VAV3: variants seen among roughly 807,000 people sequenced by gnomAD.
VAV3 encodes guanine nucleotide exchange factor VAV3.
A neutral mutation model predicts 131.2 loss-of-function variants in VAV3; 94 were observed. That is an observed-to-expected ratio of 0.72 (90% CI 0.61 to 0.85). The LOEUF is 0.85. Ranked by LOEUF, VAV3 falls within the 40% of genes least tolerant of loss-of-function variation. VAV3 has a pLI of 0.00. For synonymous variants in VAV3, 349 were observed against 342.0 expected, an observed-to-expected ratio of 1.02 and a Z score of -0.22; for missense variants, 939 against 1,002.7, an observed-to-expected ratio of 0.94 and a Z score of 0.86.
Position 107,724,825 on chromosome 1 carries a change from T to C in VAV3, c.1503-19764A>G, listed in dbSNP as rs544880607. ...AATTCAGTCTGGTTGCAACACTGGA[T>C]GTGGTGGGGGGAAAAAAAAAAGGCT... On this transcript the variant is annotated intron_variant, in intron 15 of 26. Coordinates refer to ENST00000370056, the MANE Select transcript of VAV3 (RefSeq NM_006113.5). Among the ~76,000 whole-genome samples, 197 of 150,356 alleles carry C rather than the reference T, an allele frequency of 1.3e-3. 1 individual carries two copies. The highest frequency in any genetic ancestry group is 4.8e-3 in the African/African-American group (194 of 40,786).
intron 2 of VAV3, chr1:107,785,468 GCT>G: frequency 7.5e-7 from 1 of 1,326,986 alleles, no homozygotes; most frequent in Non-Finnish European, 9.9e-7. Context: ...AGGGAGGTGG[GCT>G]CTGCAAGGGC....
At chr1:107,681,624 T>C (rs1236519736) in intron 19 of VAV3, among the ~76,000 whole-genome samples, 1 of 151,772 alleles carries the variant, frequency 6.6e-6, no homozygotes, top group Non-Finnish European at 1.5e-5. Context: ...AAAAATACAC[T>C]CATATACATT....
At chr1:107,933,915 A>T (rs1673585391) in intron 1 of VAV3, among the ~76,000 whole-genome samples, 1 of 152,038 alleles carries the variant, frequency 6.6e-6, no homozygotes, top group Non-Finnish European at 1.5e-5. Context: ...TCATAAGAGG[A>T]GTACAGAAGT....
chr1:107,798,907 G>C (rs1666694106), intron 2 of VAV3, among the ~76,000 whole-genome samples: 1 of 151,866 alleles, frequency 6.6e-6, no homozygotes, highest in African/African-American at 2.4e-5. Context: ...TTAATGCAAA[G>C]ATGCTTTTAG....
At chr1:107,578,254 T>A (rs1649790459) in intron 25 of VAV3, among the ~76,000 whole-genome samples, 1 of 152,244 alleles carries the variant, frequency 6.6e-6, no homozygotes, top group Non-Finnish European at 1.5e-5. Context: ...TACCATGAAG[T>A]ATACTCTTGT....
At chr1:107,691,083 T>G (rs1457214877) in intron 17 of VAV3, among the ~76,000 whole-genome samples, 1 of 152,174 alleles carries the variant, frequency 6.6e-6, no homozygotes, top group Non-Finnish European at 1.5e-5. Context: ...ATTTATGCTT[T>G]TGTGCTTGTG....
intron 1 of VAV3, among the ~76,000 whole-genome samples, chr1:107,883,448 T>C (rs556243062): frequency 6.6e-6 from 1 of 152,306 alleles, no homozygotes; most frequent in South Asian, 2.1e-4. Context: ...ATGCAGTTTA[T>C]CTCTAGGAAA....
At chr1:107,845,135 C>A (rs1668906927) in intron 2 of VAV3, among the ~76,000 whole-genome samples, 1 of 152,214 alleles carries the variant, frequency 6.6e-6, no homozygotes, top group Admixed American at 6.5e-5. Flanking sequence ...TGCTCTTCTG[C>A]AGCATCCACT....
chr1:107,669,491 A>G (rs532037995), intron 19 of VAV3: 1 of 1,280,198 alleles, frequency 7.8e-7, no homozygotes, highest in East Asian at 5.6e-5. Flanking sequence ...GACAAGAAAG[A>G]AATAAACACA....
Position 107,696,010 on chromosome 1 carries a change from A to G in VAV3, c.1706-7604T>C, listed in dbSNP as rs137868287. Among the ~76,000 whole-genome samples, 1,378 of 152,234 alleles carry G rather than the reference A, an allele frequency of 9.1e-3. 20 individuals are homozygous for G. Among genetic ancestry groups the G allele is most frequent in the African/African-American group, 0.032 (1,313 of 41,542 alleles). The stretch of plus-strand genomic sequence containing the variant: ...ATAAAGATAGCATGCTCCCCCTCTT[A>G]AATTTTTTATTTTATTATCTTTAAT... On this transcript the variant is annotated intron_variant, in intron 17 of 26. Transcript: ENST00000370056.
chr1:107,833,005 T>A (rs1401969761), intron 2 of VAV3, among the ~76,000 whole-genome samples: 1 of 152,182 alleles, frequency 6.6e-6, no homozygotes, highest in Non-Finnish European at 1.5e-5. Flanking sequence ...ATACATGATT[T>A]TTTTCGCAAC....
At chr1:107,896,918 C>T (rs1443841379) in intron 1 of VAV3, among the ~76,000 whole-genome samples, 3 of 152,034 alleles carry the variant, frequency 2.0e-5, no homozygotes, top group African/African-American at 7.2e-5. Flanking sequence ...TCAAAAAAAG[C>T]CCCTCTCCAG....
chr1:107,716,365 C>T (rs1329463031), intron 15 of VAV3, among the ~76,000 whole-genome samples: 5 of 152,164 alleles, frequency 3.3e-5, no homozygotes, highest in African/African-American at 9.7e-5. Flanking sequence ...TGGTGGCTCA[C>T]GCCTGTAATC....
At chr1:107,704,735 A>G in intron 16 of VAV3, 85 bp from the exon 17 acceptor site, 1 of 1,180,588 alleles carries the variant, frequency 8.5e-7, no homozygotes, top group East Asian at 2.4e-5. Context: ...GAAAAAAAGT[A>G]TCAACAGTGC....
chr1:107,615,997 T>C (rs971634663), intron 21 of VAV3, among the ~76,000 whole-genome samples: 2 of 152,210 alleles, frequency 1.3e-5, no homozygotes, highest in African/African-American at 4.8e-5. Flanking sequence ...TATACACTGC[T>C]GGTGGGAATG....
chr1:107,655,567 G>C (rs1397191984), intron 19 of VAV3, among the ~76,000 whole-genome samples: 3 of 152,132 alleles, frequency 2.0e-5, no homozygotes, highest in Non-Finnish European at 4.4e-5. Flanking sequence ...TTTGGGAAAA[G>C]GTTTTTTGTG....
At chr1:107,605,932 A>T (rs1652230071) in intron 22 of VAV3, among the ~76,000 whole-genome samples, 1 of 152,148 alleles carries the variant, frequency 6.6e-6, no homozygotes, top group Non-Finnish European at 1.5e-5. Flanking sequence ...AGACAACCAC[A>T]TAATCTACCT....
chr1:107,904,000 T>C (rs1671990683), intron 1 of VAV3, among the ~76,000 whole-genome samples: 1 of 152,122 alleles, frequency 6.6e-6, no homozygotes, highest in Admixed American at 6.5e-5. Context: ...ACACTTGGTC[T>C]CTCTGTCCTT....
chr1:107,733,653 C>T (rs1662401293), intron 15 of VAV3, among the ~76,000 whole-genome samples: 1 of 151,574 alleles, frequency 6.6e-6, no homozygotes, highest in Non-Finnish European at 1.5e-5. Context: ...GAGTGAAGAT[C>T]AAATTAATGA....
Sources: gnomAD v4.1 joint callset for allele counts (sites outside exome capture counted in the v4.1 genomes callset) on GRCh38, gnomAD v4.1.1 for gene constraint, MANE v1.5 for transcripts, NCBI Gene and HGNC (gene_info 2026-07-23, HGNC 2026-07-21) for gene names.